The following DDX10 variants were observed in gnomAD, a reference collection of about 807,000 sequenced individuals.
The protein encoded by DDX10 is probable ATP-dependent RNA helicase DDX10.
DDX10 carries 74 observed loss-of-function variants against 104.3 expected under a neutral mutation model. That is an observed-to-expected ratio of 0.71 (90% CI 0.59 to 0.86). The LOEUF (loss-of-function observed/expected upper bound fraction) is 0.86. DDX10 is among the 40% of genes least tolerant of loss of function. The pLI is 0.00. For synonymous variants in DDX10, 351 were observed against 353.4 expected, an observed-to-expected ratio of 0.99 and a Z score of 0.08; for missense variants, 952 against 1,040.0, an observed-to-expected ratio of 0.92 and a Z score of 1.16.
chr11:108,684,171 A>ATT (rs373165845), intron 6 of DDX10, among the ~76,000 whole-genome samples: 18 of 9,876 alleles, frequency 1.8e-3, no homozygotes, highest in African/African-American at 6.5e-3. Flanking sequence ...AAGGTTATAG[A>ATT]TTTTCTTTTT....
At chr11:108,757,077 G>T (rs2094345280) in intron 13 of DDX10, among the ~76,000 whole-genome samples, 1 of 151,994 alleles carries the variant, frequency 6.6e-6, no homozygotes, top group Non-Finnish European at 1.5e-5. Flanking sequence ...GGTTCTCCCT[G>T]TGGAGAGGAC....
chr11:108,796,933 G>A (rs1861949404), intron 13 of DDX10, among the ~76,000 whole-genome samples: 1 of 152,178 alleles, frequency 6.6e-6, no homozygotes. Flanking sequence ...CAGCAAGAAG[G>A]CCCTCATCAG....
intron 16 of DDX10, among the ~76,000 whole-genome samples, chr11:108,913,572 C>G (rs936207632): frequency 2.0e-5 from 3 of 152,080 alleles, no homozygotes; most frequent in Non-Finnish European, 4.4e-5. Context: ...TTGTAGCTAT[C>G]TTATTTAGGA....
At position 108,795,139 on chromosome 11, in the gene DDX10, T is replaced by C. The variant is rs1335463375; in HGVS notation, c.1966-43307T>C. 2.6e-5 allele frequency among the ~76,000 whole-genome samples: 4 copies of C among 152,114 alleles called. No homozygotes were observed. The East Asian group carries it at 7.7e-4, about 29-fold the overall frequency. On this transcript the variant is annotated intron_variant, in intron 13 of 17. Transcript: ENST00000322536. ...CCACCACACCTGGCCTAGTTTTCTC[T>C]TTTTTTATAATGTCTTTTTCTGGTT...
chr11:108,875,238 A>G (rs1024675465), intron 16 of DDX10, among the ~76,000 whole-genome samples: 4 of 152,190 alleles, frequency 2.6e-5, no homozygotes, highest in Non-Finnish European at 5.9e-5. Flanking sequence ...TGGTTGTCTG[A>G]CACACACATT....
At chr11:108,840,277 T>C (rs1371333863) in intron 14 of DDX10, among the ~76,000 whole-genome samples, 3 of 152,210 alleles carry the variant, frequency 2.0e-5, no homozygotes, top group Non-Finnish European at 4.4e-5. Context: ...AGAATGGTTA[T>C]GGTGGCCACA....
intron 7 of DDX10, chr11:108,690,564 A>G (rs1264929958): frequency 1.3e-5 from 2 of 155,660 alleles, no homozygotes; most frequent in African/African-American, 4.8e-5. Flanking sequence ...GGCTCCTCAA[A>G]TGGCAGTGGC....
chr11:108,896,120 C>A (rs1372717181), intron 16 of DDX10, among the ~76,000 whole-genome samples: 1 of 152,100 alleles, frequency 6.6e-6, no homozygotes, highest in Non-Finnish European at 1.5e-5. Flanking sequence ...ACTGTATTAT[C>A]CATCTTAGAT....
intron 13 of DDX10, among the ~76,000 whole-genome samples, chr11:108,784,109 A>G (rs992755085): frequency 1.5e-4 from 23 of 152,184 alleles, no homozygotes; most frequent in Non-Finnish European, 3.1e-4. Flanking sequence ...CACAACATTG[A>G]ATATACAAGT....
chr11:108,849,984 G>T (rs1017549179), intron 15 of DDX10, among the ~76,000 whole-genome samples: 1 of 151,656 alleles, frequency 6.6e-6, no homozygotes, highest in Non-Finnish European at 1.5e-5. Context: ...CAGTTCTTTC[G>T]CTTCTGTCTT....
intron 16 of DDX10, among the ~76,000 whole-genome samples, chr11:108,897,982 C>G (rs1018330756): frequency 1.3e-5 from 2 of 152,028 alleles, no homozygotes; most frequent in African/African-American, 4.8e-5. Context: ...TAAGCAAAAG[C>G]TGTTCCTAGA....
At chr11:108,779,880 TC>T in intron 13 of DDX10, among the ~76,000 whole-genome samples, 1 of 152,244 alleles carries the variant, frequency 6.6e-6, no homozygotes, top group East Asian at 1.9e-4. Context: ...GGAGCAAAAT[TC>T]CTGGGTTAAA....
chr11:108,819,991 A>AATC (rs1862305199), intron 13 of DDX10, among the ~76,000 whole-genome samples: 1 of 152,194 alleles, frequency 6.6e-6, no homozygotes, highest in African/African-American at 2.4e-5. Flanking sequence ...AGTTTATTTC[A>AATC]ATCAGTGGAA....
intron 13 of DDX10, among the ~76,000 whole-genome samples, chr11:108,750,872 TTCA>T: frequency 2.8e-5 from 1 of 35,462 alleles, no homozygotes; most frequent in Non-Finnish European, 1.0e-4. Context: ...GTCCTTCCAC[TTCA>T]GCCTCCTGAG....
intron 15 of DDX10, among the ~76,000 whole-genome samples, chr11:108,847,208 T>G (rs1353018581): frequency 6.6e-6 from 1 of 152,206 alleles, no homozygotes; most frequent in South Asian, 2.1e-4. Context: ...AAAATGCCAC[T>G]CTTACATACA....
At chr11:108,710,703 T>C (rs1215535026) in intron 10 of DDX10, among the ~76,000 whole-genome samples, 1 of 152,232 alleles carries the variant, frequency 6.6e-6, no homozygotes, top group East Asian at 1.9e-4. Flanking sequence ...TTGTTTATCA[T>C]TTTCAAGTAT....
intron 10 of DDX10, among the ~76,000 whole-genome samples, chr11:108,712,152 ATT>A (rs1226245442): frequency 6.6e-6 from 1 of 152,166 alleles, no homozygotes; most frequent in East Asian, 1.9e-4. Context: ...AGCATGATAT[ATT>A]TTTTATCAAA....
intron 10 of DDX10, among the ~76,000 whole-genome samples, chr11:108,710,194 A>T (rs940076145): frequency 9.9e-5 from 15 of 152,088 alleles, no homozygotes; most frequent in Admixed American, 2.0e-4. Flanking sequence ...GTGGTGCATG[A>T]ATGTGAAGAG....
chr11:108,716,046 A>G (rs1003172994), intron 11 of DDX10, 80 bp downstream of exon 11: 11 of 790,132 alleles, frequency 1.4e-5, no homozygotes, highest in Non-Finnish European at 2.1e-5. Flanking sequence ...TCTAGGTTGC[A>G]TGTTTATGCT....
Sources: allele counts gnomAD v4.1 joint callset (sites outside exome capture counted in the v4.1 genomes callset), GRCh38; gene constraint gnomAD v4.1.1; transcripts MANE v1.5; gene names NCBI Gene and HGNC (gene_info 2026-07-23, HGNC 2026-07-21).